The following GSN variants were observed in gnomAD, a reference collection of about 807,000 sequenced individuals.
The protein encoded by GSN is actin-depolymerizing factor.
A neutral mutation model predicts 85.7 loss-of-function variants in GSN; 56 were observed. The observed-to-expected ratio is 0.65, with a 90% CI of 0.53 to 0.82. The LOEUF is 0.82. GSN is among the 40% of genes least tolerant of loss of function. The pLI is 0.00. For synonymous variants in GSN, 373 were observed against 399.1 expected, an observed-to-expected ratio of 0.93 and a Z score of 0.78; for missense variants, 857 against 979.8, an observed-to-expected ratio of 0.87 and a Z score of 1.67.
At chr9:121,311,005 C>T in intron 5 of GSN, 160 bp downstream of exon 5, 1 of 682,892 alleles carries the variant, frequency 1.5e-6, no homozygotes, top group Non-Finnish European at 2.6e-6. Flanking sequence ...AAGACTCCCA[C>T]AAATGTAGAC....
intron 5 of GSN, 143 bp from the exon 6 acceptor site, chr9:121,312,196 G>A (rs183973904): frequency 6.9e-5 from 55 of 799,986 alleles, no homozygotes; most frequent in African/African-American, 2.3e-4. Context: ...AATAATGCAC[G>A]TGTGCAGACT....
intron 12 of GSN, among the ~76,000 whole-genome samples, chr9:121,325,756 T>C (rs530073819): frequency 2.0e-4 from 30 of 152,202 alleles, no homozygotes; most frequent in African/African-American, 7.0e-4. Flanking sequence ...ATGATGACCA[T>C]CTTAGCTCAG....
At chr9:121,320,488 TAC>T (rs1052518070) in intron 10 of GSN, among the ~76,000 whole-genome samples, 5 of 151,816 alleles carry the variant, frequency 3.3e-5, no homozygotes, top group African/African-American at 4.8e-5. Flanking sequence ...CTACTAAAAA[TAC>T]AAAACTTAGC....
intron 5 of GSN, chr9:121,239,800 T>G: frequency 3.9e-6 from 1 of 253,466 alleles, no homozygotes; most frequent in South Asian, 5.8e-5. Context: ...TTGAAATACC[T>G]GAACCACTGC....
At chr9:121,226,216 G>A (rs953066335) in intron 4 of GSN, among the ~76,000 whole-genome samples, 2 of 152,244 alleles carry the variant, frequency 1.3e-5, no homozygotes, top group Non-Finnish European at 2.9e-5. Context: ...GGTTGGGCAA[G>A]TATGCATGCT....
At chr9:121,233,462 C>CTAAA (rs10695273) in intron 5 of GSN, among the ~76,000 whole-genome samples, 6,650 of 151,680 alleles carry the variant, frequency 0.044, 167 homozygotes, top group East Asian at 0.085. Flanking sequence ...GAGACTCCAT[C>CTAAA]TAAATAAATA....
upstream of GSN, among the ~76,000 whole-genome samples, chr9:121,267,164 G>T (rs544576909): frequency 2.7e-3 from 418 of 152,296 alleles, 2 homozygotes; most frequent in African/African-American, 9.3e-3. Flanking sequence ...GAGTCACGCG[G>T]CAACTCCAAA....
At chr9:121,310,893 T>A in intron 5 of GSN, 48 bp downstream of exon 5, 1 of 1,580,722 alleles carries the variant, frequency 6.3e-7, no homozygotes, top group South Asian at 1.1e-5. Context: ...GTGCTCCTGG[T>A]CTGATCAGGG....
chr9:121,215,215 A>AC (rs35261410), intron 4 of GSN, among the ~76,000 whole-genome samples: 17,420 of 131,724 alleles, frequency 0.13, 1,339 homozygotes, highest in Middle Eastern at 0.22. Flanking sequence ...TGAATTAAGG[A>AC]CCCCCCCCCC....
At chr9:121,202,050 C>T in the GSN span, among the ~76,000 whole-genome samples, 3 of 152,196 alleles carry the variant, frequency 2.0e-5, no homozygotes, top group African/African-American at 7.2e-5. Context: ...CTGAGGCCCG[C>T]CCCACGGGCG....
intron 1 of GSN, chr9:121,207,921 ATATGTGTG>A (rs1489233746): frequency 1.2e-4 from 7 of 59,266 alleles, no homozygotes; most frequent in East Asian, 1.1e-3. Context: ...CATCTGGCTA[ATATGTGTG>A]TGTGTGTGTG....
Position 121,329,282 on chromosome 9 carries a change from G to T in GSN, c.1932G>T (p.Thr644=), listed in dbSNP as rs759980004. ...AGCTCATGCAGGAAGACCTGGCAAC[G>T]GATGACGTCATGCTTCTGGACACCT... ...PGELMQEDLA[T]DDVMLLDTWD... Residue 644 remains threonine, a synonymous_variant, in exon 16 of 18, where the codon ACG becomes ACT. Coordinates refer to ENST00000432226, the MANE Select transcript of GSN (RefSeq NM_198252.3). The surrounding 1 kb of genome is among the most constrained non-coding windows in gnomAD (Gnocchi z 4.6). 4 of 1,611,992 alleles carry T rather than the reference G, an allele frequency of 2.5e-6. No homozygotes were observed. The highest frequency in any genetic ancestry group is 3.4e-6 in the Non-Finnish European group (4 of 1,178,118).
chr9:121,326,490 T>C lies in GSN; in HGVS notation c.1417-22T>C, dbSNP rs306769. 1,347,149 of 1,608,476 alleles carry C rather than the reference T, an allele frequency of 0.84. 565,930 individuals carry two copies. Among genetic ancestry groups the C allele is most frequent in the East Asian group, 0.99 (44,445 of 44,850 alleles). On this transcript the variant is annotated intron_variant, in intron 12 of 17. Coordinates refer to ENST00000432226, the MANE Select transcript of GSN (RefSeq NM_198252.3). ...AAGCCTGCCCCCAAGGTCCCTGACT[T>C]GCTCTCCTGTCTCCCTGCCAGAGCC...
chr9:121,220,868 T>G (rs564432480), intron 4 of GSN, among the ~76,000 whole-genome samples: 22 of 152,366 alleles, frequency 1.4e-4, no homozygotes, highest in African/African-American at 5.3e-4. Context: ...TGAAGTTGAT[T>G]TTCTATTGAT....
intron 5 of GSN, among the ~76,000 whole-genome samples, chr9:121,237,053 C>A (rs928362046): frequency 6.6e-6 from 1 of 152,138 alleles, no homozygotes; most frequent in African/African-American, 2.4e-5. Context: ...TCATGTGATT[C>A]TTCTGCATGG....
At chr9:121,203,396 C>G (rs1007042428), upstream of GSN, 2 of 152,238 alleles carry the variant, frequency 1.3e-5, no homozygotes, top group East Asian at 1.9e-4. Flanking sequence ...TGAACAGCCA[C>G]TGCACTCCAG....
chr9:121,305,029 C>T (rs1231881061), intron 4 of GSN, among the ~76,000 whole-genome samples: 1 of 152,152 alleles, frequency 6.6e-6, no homozygotes, highest in Non-Finnish European at 1.5e-5. Context: ...TCTATCTTGT[C>T]CTAGTCACTG....
At chr9:121,282,646 C>A in intron 2 of GSN, 1 of 535,944 alleles carries the variant, frequency 1.9e-6, no homozygotes, top group Non-Finnish European at 3.0e-6. Flanking sequence ...CTCACCCCAT[C>A]AGCGGCTATC....
chr9:121,228,608 A>G (rs1181447607), intron 4 of GSN, among the ~76,000 whole-genome samples: 4 of 151,202 alleles, frequency 2.6e-5, no homozygotes, highest in Admixed American at 2.6e-4. Context: ...TAATTTTTGT[A>G]GAGATGGGGT....
Sources: allele counts gnomAD v4.1 joint callset (sites outside exome capture counted in the v4.1 genomes callset), GRCh38; gene constraint gnomAD v4.1.1; non-coding constraint Gnocchi (gnomAD v3.1); transcripts MANE v1.5; gene names NCBI Gene and HGNC (gene_info 2026-07-23, HGNC 2026-07-21).